CDH10: variants seen among roughly 807,000 people sequenced by gnomAD.
CDH10 encodes cadherin 10, also known as cadherin-10.
A neutral mutation model predicts 73.1 loss-of-function variants in CDH10; 30 were observed. The ratio of observed to expected loss-of-function variants is 0.41; its 90% CI spans 0.31 to 0.56. The LOEUF (loss-of-function observed/expected upper bound fraction) is 0.56, where lower values mean the gene tolerates loss of function less well. Ranked by LOEUF, CDH10 falls within the 20% of genes least tolerant of loss-of-function variation. The pLI, the probability that CDH10 is intolerant of heterozygous loss-of-function variation, is 0.27. For synonymous variants in CDH10, 345 were observed against 348.2 expected (o/e 0.99, Z 0.10); for missense variants, 815 against 973.7 (o/e 0.84, Z 2.17).
chr5:24,636,201 T>C (rs1331099415), intron 1 of CDH10, among the ~76,000 whole-genome samples: 2 of 151,962 alleles, frequency 1.3e-5, no homozygotes, highest in Non-Finnish European at 2.9e-5. Flanking sequence ...ACAATTGTCC[T>C]ATGATGTAAG....
intron 2 of CDH10, among the ~76,000 whole-genome samples, chr5:24,566,664 C>CAAAT (rs148370940): frequency 0.014 from 2,200 of 151,772 alleles, 58 homozygotes; most frequent in African/African-American, 0.051. Flanking sequence ...GGTAAACAAA[C>CAAAT]AAAAAAATCA....
At chr5:24,521,472 T>A (rs13169863) in intron 5 of CDH10, among the ~76,000 whole-genome samples, 69,205 of 151,940 alleles carry the variant, frequency 0.46, 15,981 homozygotes, top group Admixed American at 0.55. Flanking sequence ...GTGGGCATGG[T>A]AGCGCATGCC....
intron 1 of CDH10, among the ~76,000 whole-genome samples, chr5:24,642,401 T>C (rs892806880): frequency 6.6e-6 from 1 of 152,152 alleles, no homozygotes; most frequent in Non-Finnish European, 1.5e-5. Flanking sequence ...ATTCACCCTA[T>C]TTTTTATGCA....
At chr5:24,518,953 C>T (rs531151792) in intron 5 of CDH10, among the ~76,000 whole-genome samples, 58 of 133,502 alleles carry the variant, frequency 4.3e-4, no homozygotes, top group African/African-American at 1.6e-3. Context: ...TGCAGTGGTG[C>T]GATCTTGGCT....
chr5:24,508,998 C>A, intron 7 of CDH10, among the ~76,000 whole-genome samples: 1 of 152,078 alleles, frequency 6.6e-6, no homozygotes, highest in East Asian at 1.9e-4. Flanking sequence ...AGCAAGGTTT[C>A]AGTCTAAAGG....
intron 2 of CDH10, among the ~76,000 whole-genome samples, chr5:24,565,145 T>TCTG (rs199777408): frequency 8.2e-4 from 125 of 152,190 alleles, no homozygotes; most frequent in African/African-American, 2.9e-3. Context: ...AGGTTAATCT[T>TCTG]CAATAGAACT....
chr5:24,584,445 CT>C (rs34192671), intron 2 of CDH10, among the ~76,000 whole-genome samples: 2,364 of 28,160 alleles, frequency 0.084, 85 homozygotes, highest in East Asian at 0.22. Context: ...CTTTCTTTTC[CT>C]TTTTTTTTTT....
intron 2 of CDH10, among the ~76,000 whole-genome samples, chr5:24,570,204 T>C (rs1005265377): frequency 2.0e-5 from 3 of 152,178 alleles, no homozygotes; most frequent in Non-Finnish European, 2.9e-5. Context: ...AGTATTTCTA[T>C]TCAACTTTGT....
intron 5 of CDH10, among the ~76,000 whole-genome samples, chr5:24,530,960 A>T (rs944797719): frequency 3.3e-5 from 5 of 152,120 alleles, no homozygotes; most frequent in Admixed American, 1.3e-4. Flanking sequence ...ATAATTATCA[A>T]TGTTCCCCTG....
At chr5:24,612,231 G>T (rs1379814764) in intron 1 of CDH10, 1 of 150,682 alleles carries the variant, frequency 6.6e-6, no homozygotes, top group East Asian at 1.9e-4. Flanking sequence ...TTAGCAAAAG[G>T]TATCAGTTGC....
intron 5 of CDH10, among the ~76,000 whole-genome samples, chr5:24,522,954 A>G (rs779916050): frequency 1.3e-4 from 20 of 152,202 alleles, no homozygotes; most frequent in Non-Finnish European, 2.5e-4. Context: ...CTGTAGTGAG[A>G]GTGCTCGTAG....
At chr5:24,520,139 C>T (rs1274732153) in intron 5 of CDH10, among the ~76,000 whole-genome samples, 1 of 152,040 alleles carries the variant, frequency 6.6e-6, no homozygotes, top group South Asian at 2.1e-4. Flanking sequence ...TTCTGCGGTA[C>T]TGGAGGTCAG....
At chr5:24,575,436 A>G (rs1745567834) in intron 2 of CDH10, among the ~76,000 whole-genome samples, 1 of 151,728 alleles carries the variant, frequency 6.6e-6, no homozygotes, top group Non-Finnish European at 1.5e-5. Context: ...TATTGTTTCC[A>G]TCTTTTACGA....
At chr5:24,618,592 T>C (rs1747201661) in intron 1 of CDH10, among the ~76,000 whole-genome samples, 1 of 152,158 alleles carries the variant, frequency 6.6e-6, no homozygotes, top group South Asian at 2.1e-4. Flanking sequence ...GACATAGAGA[T>C]TTCAAACAAG....
At chr5:24,631,424 GA>G (rs1001698065) in intron 1 of CDH10, among the ~76,000 whole-genome samples, 3 of 151,986 alleles carry the variant, frequency 2.0e-5, no homozygotes, top group Non-Finnish European at 4.4e-5. Flanking sequence ...TAATTGTGGG[GA>G]AAAAATCAAT....
intron 5 of CDH10, among the ~76,000 whole-genome samples, chr5:24,523,798 T>C (rs1343778137): frequency 3.9e-5 from 6 of 152,150 alleles, no homozygotes; most frequent in Non-Finnish European, 7.4e-5. Context: ...GTGTTTTTCA[T>C]GTTAATTTTT....
chr5:24,640,554 G>A (rs1748014925), intron 1 of CDH10, among the ~76,000 whole-genome samples: 2 of 150,492 alleles, frequency 1.3e-5, no homozygotes, highest in Admixed American at 1.3e-4. Flanking sequence ...AGAAAAGATT[G>A]AAAATTGAAA....
At chr5:24,549,661 C>T (rs1345684484) in intron 2 of CDH10, among the ~76,000 whole-genome samples, 4 of 150,892 alleles carry the variant, frequency 2.7e-5, no homozygotes, top group South Asian at 2.1e-4. Flanking sequence ...AAGCGATTCT[C>T]CTGCCTCAGC....
chr5:24,593,681 T>C, intron 1 of CDH10, 68 bp from the exon 2 acceptor site: 1 of 534,946 alleles, frequency 1.9e-6, no homozygotes, highest in Non-Finnish European at 3.3e-6. Context: ...TCATTTAAAA[T>C]TTAAAGTGAC....
Sources: gnomAD v4.1 joint callset for allele counts (sites outside exome capture counted in the v4.1 genomes callset) on GRCh38, gnomAD v4.1.1 for gene constraint, MANE v1.5 for transcripts, NCBI Gene and HGNC (gene_info 2026-07-23, HGNC 2026-07-21) for gene names.